LRMDA: variants seen among roughly 807,000 people sequenced by gnomAD.
LRMDA encodes the protein leucine rich melanocyte differentiation associated.
A neutral mutation model predicts 29.8 loss-of-function variants in LRMDA; 18 were observed. That is an observed-to-expected ratio of 0.60 (90% confidence interval 0.42 to 0.90). LRMDA has a LOEUF of 0.90. Ranked by LOEUF, LRMDA falls within the 40% of genes least tolerant of loss-of-function variation. The probability of loss-of-function intolerance (pLI) is 0.00; values close to 1 mark genes in which losing one functional copy is unlikely to be tolerated. For missense variants in LRMDA, 273 were observed against 273.9 expected, an observed-to-expected ratio of 1.00 and a Z score of 0.02; for synonymous variants, 125 against 109.4, an observed-to-expected ratio of 1.14 and a Z score of -0.89.
intron 5 of LRMDA, among the ~76,000 whole-genome samples, chr10:76,087,018 C>G (rs1403259423): frequency 6.6e-6 from 1 of 152,170 alleles, no homozygotes; most frequent in East Asian, 1.9e-4. Context: ...TAAATCACCA[C>G]TGAGGAGATA....
intron 5 of LRMDA, among the ~76,000 whole-genome samples, chr10:76,076,090 T>C (rs1348076708): frequency 6.6e-6 from 1 of 152,154 alleles, no homozygotes; most frequent in Non-Finnish European, 1.5e-5. Flanking sequence ...ATGCCTGTAA[T>C]CCCAGCACTT....
intron 2 of LRMDA, among the ~76,000 whole-genome samples, chr10:75,673,582 AC>A (rs776237475): frequency 4.6e-5 from 7 of 152,102 alleles, no homozygotes; most frequent in Non-Finnish European, 4.4e-5. Flanking sequence ...GTGGATATAA[AC>A]CTATGTATTC....
intron 2 of LRMDA, among the ~76,000 whole-genome samples, chr10:75,708,481 T>A (rs1842396276): frequency 6.6e-6 from 1 of 152,154 alleles, no homozygotes; most frequent in Non-Finnish European, 1.5e-5. Flanking sequence ...GTGATTTAGT[T>A]ATTTTGGCTT....
chr10:76,325,409 T>C (rs1840821958), intron 6 of LRMDA, among the ~76,000 whole-genome samples: 1 of 152,236 alleles, frequency 6.6e-6, no homozygotes, highest in African/African-American at 2.4e-5. Flanking sequence ...TTTTCTACAT[T>C]TAAATATACT....
intron 2 of LRMDA, among the ~76,000 whole-genome samples, chr10:75,703,245 C>T (rs1014031803): frequency 2.0e-5 from 3 of 152,176 alleles, no homozygotes; most frequent in Admixed American, 6.5e-5. Context: ...GATTTCAACA[C>T]GCTTTTCCCA....
At chr10:76,151,518 C>T (rs1240278260) in intron 5 of LRMDA, among the ~76,000 whole-genome samples, 4 of 152,230 alleles carry the variant, frequency 2.6e-5, no homozygotes, top group East Asian at 1.9e-4. Flanking sequence ...AGCTCTTGAT[C>T]GTCGCCTGGC....
At chr10:76,453,553 G>C (rs898069885) in intron 6 of LRMDA, among the ~76,000 whole-genome samples, 15 of 152,214 alleles carry the variant, frequency 9.9e-5, no homozygotes, top group Non-Finnish European at 8.8e-5. Context: ...TGTTTGCCAT[G>C]CTATAGATTA....
chr10:76,519,846 T>C (rs1228281349), intron 6 of LRMDA, among the ~76,000 whole-genome samples: 2 of 152,008 alleles, frequency 1.3e-5, no homozygotes, highest in Non-Finnish European at 2.9e-5. Flanking sequence ...TGCTTTTATT[T>C]GTAAGAAATG....
chr10:76,048,466 A>G (rs931163495), intron 4 of LRMDA, among the ~76,000 whole-genome samples: 1 of 152,078 alleles, frequency 6.6e-6, no homozygotes, highest in African/African-American at 2.4e-5. Flanking sequence ...AATAATTACT[A>G]TTTGTTTTTT....
At chr10:75,598,161 A>G (rs1840823005) in intron 2 of LRMDA, among the ~76,000 whole-genome samples, 1 of 152,198 alleles carries the variant, frequency 6.6e-6, no homozygotes, top group Non-Finnish European at 1.5e-5. Context: ...AAGAGAATAC[A>G]GTGTGTATTT....
At chr10:75,815,001 T>C (rs1336345850) in intron 2 of LRMDA, among the ~76,000 whole-genome samples, 3 of 152,220 alleles carry the variant, frequency 2.0e-5, no homozygotes, top group Non-Finnish European at 1.5e-5. Context: ...CTTGTACCCA[T>C]TGGTTTTCCA....
At chr10:76,522,540 C>G (rs1843131511) in intron 6 of LRMDA, among the ~76,000 whole-genome samples, 1 of 152,174 alleles carries the variant, frequency 6.6e-6, no homozygotes, top group African/African-American at 2.4e-5. Flanking sequence ...AGATGCAAAG[C>G]CCAGTGTACT....
At chr10:75,828,727 G>A (rs987992182) in intron 2 of LRMDA, among the ~76,000 whole-genome samples, 4 of 152,184 alleles carry the variant, frequency 2.6e-5, no homozygotes, top group South Asian at 4.1e-4. Context: ...ATAGCGGTAC[G>A]TGTTATTTTT....
rs117675662 is a variant in LRMDA, at chr10:75,670,472, C to T, written c.131+231978C>T. Among the ~76,000 whole-genome samples the T allele has an allele frequency of 3.9e-5, 6 of 152,246 alleles. No homozygotes were observed. The East Asian group carries it at 1.2e-3, about 29-fold the overall frequency. The stretch of plus-strand genomic sequence containing the variant: ...TCTGCATAAACTTCCTTTCTAGGTT[C>T]TGCAGAGAAATTGTGAGGCATGAAG... On this transcript the variant is annotated intron_variant, in intron 2 of 6. Coordinates refer to ENST00000611255, the MANE Select transcript of LRMDA (RefSeq NM_001305581.2).
chr10:75,581,188 C>A (rs976626049), intron 2 of LRMDA, among the ~76,000 whole-genome samples: 7 of 151,956 alleles, frequency 4.6e-5, no homozygotes, highest in Non-Finnish European at 7.4e-5. Flanking sequence ...ATGGCTAATA[C>A]CCAGAATCTA....
intron 2 of LRMDA, among the ~76,000 whole-genome samples, chr10:75,494,335 G>C (rs528115301): frequency 6.6e-6 from 1 of 152,106 alleles, no homozygotes; most frequent in Non-Finnish European, 1.5e-5. Context: ...GGGCTAGTTA[G>C]AGACCAGAGC....
chr10:76,421,826 T>G (rs184888433), intron 6 of LRMDA, among the ~76,000 whole-genome samples: 2 of 152,288 alleles, frequency 1.3e-5, no homozygotes, highest in East Asian at 3.9e-4. Context: ...GGGCATTTGG[T>G]TTTGTCTCTT....
chr10:76,078,819 A>G (rs1193734477), intron 5 of LRMDA, among the ~76,000 whole-genome samples: 5 of 152,190 alleles, frequency 3.3e-5, no homozygotes, highest in Non-Finnish European at 7.3e-5. Flanking sequence ...TGGGCGACAG[A>G]GCGAGATTCT....
chr10:75,943,973 T>C (rs1218079747), intron 2 of LRMDA, among the ~76,000 whole-genome samples: 1 of 152,216 alleles, frequency 6.6e-6, no homozygotes, highest in African/African-American at 2.4e-5. Context: ...AGAAGTGAGC[T>C]TTACATGTTA....
Sources: allele counts gnomAD v4.1 joint callset (sites outside exome capture counted in the v4.1 genomes callset), GRCh38; gene constraint gnomAD v4.1.1; transcripts MANE v1.5; gene names NCBI Gene and HGNC (gene_info 2026-07-23, HGNC 2026-07-21).